Variants in OXCT1 observed in about 807,000 individuals in gnomAD.
The protein encoded by OXCT1 is succinyl-CoA:3-ketoacid coenzyme A transferase 1, mitochondrial.
A neutral mutation model predicts 69.6 loss-of-function variants in OXCT1; 27 were observed. The observed-to-expected ratio is 0.39, with a 90% CI of 0.29 to 0.54. The LOEUF (loss-of-function observed/expected upper bound fraction) is 0.54, where lower values mean the gene tolerates loss of function less well. OXCT1 is among the 20% of genes least tolerant of loss of function. The pLI is 0.72. For synonymous variants in OXCT1, 202 were observed against 217.8 expected (o/e 0.93, Z 0.64); for missense variants, 437 against 650.2 (o/e 0.67, Z 3.57).
At chr5:41,794,264 A>G (rs1325176152) in intron 12 of OXCT1, 186 bp from the exon 13 acceptor site, 39 of 635,934 alleles carry the variant, frequency 6.1e-5, no homozygotes, top group Non-Finnish European at 9.6e-5. Flanking sequence ...CTTTTTGAAA[A>G]AAAAGTTACA....
chr5:41,774,739 CA>C (rs1254171499), intron 13 of OXCT1, among the ~76,000 whole-genome samples: 1 of 151,906 alleles, frequency 6.6e-6, no homozygotes, highest in East Asian at 1.9e-4. Flanking sequence ...ACTCAAAATA[CA>C]AAAAATTAGC....
chr5:41,849,047 C>CT (rs1749058880), intron 5 of OXCT1, among the ~76,000 whole-genome samples: 1 of 152,164 alleles, frequency 6.6e-6, no homozygotes, highest in African/African-American at 2.4e-5. Context: ...GGACAAAGGG[C>CT]TAATATCCAG....
intron 5 of OXCT1, among the ~76,000 whole-genome samples, 177 bp downstream of exon 5, chr5:41,849,853 G>A (rs1056150559): frequency 2.0e-5 from 3 of 152,096 alleles, no homozygotes; most frequent in Non-Finnish European, 4.4e-5. Context: ...GTTTCTCTAC[G>A]TGATTTTAAA....
chr5:41,798,212 G>A (rs1488657241), intron 11 of OXCT1, among the ~76,000 whole-genome samples: 1 of 152,134 alleles, frequency 6.6e-6, no homozygotes, highest in East Asian at 1.9e-4. Flanking sequence ...TCCAGAATGG[G>A]TACACAAAAG....
intron 16 of OXCT1, 24 bp downstream of exon 16, chr5:41,739,366 G>A (rs1394213422): frequency 7.1e-7 from 1 of 1,404,930 alleles, no homozygotes; most frequent in African/African-American, 1.4e-5. Flanking sequence ...ACAAGTGTCT[G>A]GATTTGTTCA....
chr5:41,794,873 G>T, intron 11 of OXCT1, 124 bp from the exon 12 acceptor site: 2 of 962,324 alleles, frequency 2.1e-6, no homozygotes, highest in Non-Finnish European at 3.2e-6. Flanking sequence ...AAAATGCAGT[G>T]ACATAGCAGG....
At chr5:41,739,258 C>T in intron 16 of OXCT1, 132 bp downstream of exon 16, 1 of 702,890 alleles carries the variant, frequency 1.4e-6, no homozygotes, top group Non-Finnish European at 2.6e-6. Context: ...GGCACCCTTC[C>T]TTCTACTCCT....
chr5:41,788,762 A>C (rs1011098232), intron 13 of OXCT1, among the ~76,000 whole-genome samples: 9 of 152,204 alleles, frequency 5.9e-5, no homozygotes, highest in African/African-American at 2.2e-4. Flanking sequence ...ACACTTGAAC[A>C]ATACTAACTG....
intron 7 of OXCT1, among the ~76,000 whole-genome samples, chr5:41,809,046 G>A (rs1246589957): frequency 6.6e-6 from 1 of 151,512 alleles, no homozygotes; most frequent in Non-Finnish European, 1.5e-5. Flanking sequence ...GTGTAGCCAT[G>A]TGATTAATCA....
intron 11 of OXCT1, among the ~76,000 whole-genome samples, chr5:41,796,646 G>T (rs544526864): frequency 2.0e-5 from 3 of 152,120 alleles, no homozygotes; most frequent in South Asian, 2.1e-4. Flanking sequence ...TCTCTCGAGG[G>T]AGTTTTATTC....
intron 7 of OXCT1, among the ~76,000 whole-genome samples, chr5:41,836,645 A>T (rs1009526522): frequency 6.6e-6 from 1 of 152,098 alleles, no homozygotes; most frequent in Non-Finnish European, 1.5e-5. Flanking sequence ...TTAGATTCTC[A>T]TAAGGAGCGA....
intron 13 of OXCT1, among the ~76,000 whole-genome samples, chr5:41,773,895 A>C (rs1053040071): frequency 6.6e-6 from 1 of 152,188 alleles, no homozygotes; most frequent in Non-Finnish European, 1.5e-5. Context: ...CCTGTGAATA[A>C]AAACCCTAGT....
intron 7 of OXCT1, among the ~76,000 whole-genome samples, chr5:41,814,033 T>C (rs1747112116): frequency 6.6e-6 from 1 of 152,136 alleles, no homozygotes; most frequent in Non-Finnish European, 1.5e-5. Flanking sequence ...AGGGTCACTG[T>C]ACAGTTCTAC....
intron 13 of OXCT1, among the ~76,000 whole-genome samples, chr5:41,764,763 AG>A (rs1744515553): frequency 6.6e-6 from 1 of 152,180 alleles, no homozygotes; most frequent in African/African-American, 2.4e-5. Flanking sequence ...TATAACACTG[AG>A]GATGCAACTG....
intron 5 of OXCT1, among the ~76,000 whole-genome samples, chr5:41,844,148 T>A (rs1748779886): frequency 6.6e-6 from 1 of 152,216 alleles, no homozygotes; most frequent in African/African-American, 2.4e-5. Context: ...TTGCTGAGTG[T>A]TAGTTTTACT....
chr5:41,863,927 C>T (rs1749851585), intron 1 of OXCT1, among the ~76,000 whole-genome samples: 1 of 152,160 alleles, frequency 6.6e-6, no homozygotes, highest in African/African-American at 2.4e-5. Flanking sequence ...TCAAAGAATG[C>T]CTCCTAGAGG....
intron 13 of OXCT1, among the ~76,000 whole-genome samples, chr5:41,774,240 A>G (rs1745016569): frequency 6.6e-6 from 1 of 152,198 alleles, no homozygotes; most frequent in Non-Finnish European, 1.5e-5. Context: ...TATCCTTAGG[A>G]AAATGGTCTA....
rs183212420 is a variant in OXCT1 at position 41,833,349 on chromosome 5, A to T, written c.732+7102T>A. ...ACATTACAAGCCAGGAAAGAGTAGCATGACATATTTAAAGGACTGAAGGAA... is the reference window on the plus strand; with the variant it reads ...ACATTACAAGCCAGGAAAGAGTAGCTTGACATATTTAAAGGACTGAAGGAA... On this transcript the variant is annotated intron_variant, in intron 7 of 16. Coordinates refer to ENST00000196371, the MANE Select transcript of OXCT1 (RefSeq NM_000436.4). Among the ~76,000 whole-genome samples the T allele has an allele frequency of 1.3e-3, 192 of 152,270 alleles. 2 individuals carry two copies. The highest frequency in any genetic ancestry group is 6.8e-3 in the Middle Eastern group (2 of 294).
chr5:41,860,068 A>C (rs1049308482), intron 3 of OXCT1, among the ~76,000 whole-genome samples: 1 of 151,798 alleles, frequency 6.6e-6, no homozygotes, highest in Non-Finnish European at 1.5e-5. Context: ...AAGTGCTGAT[A>C]ATCAAAAGTA....
Sources: allele counts gnomAD v4.1 joint callset (sites outside exome capture counted in the v4.1 genomes callset), GRCh38; gene constraint gnomAD v4.1.1; transcripts MANE v1.5; gene names NCBI Gene and HGNC (gene_info 2026-07-23, HGNC 2026-07-21).